Variants in IREB2 observed in about 807,000 individuals in gnomAD.
IREB2 encodes the protein iron responsive element binding protein 2, also known as iron-responsive element-binding protein 2.
IREB2 carries 39 observed loss-of-function variants against 118.8 expected under a neutral mutation model. The ratio of observed to expected loss-of-function variants is 0.33; its 90% CI spans 0.25 to 0.43. The LOEUF (loss-of-function observed/expected upper bound fraction) is 0.43. IREB2 is among the 20% of genes least tolerant of loss of function. The pLI, the probability that IREB2 is intolerant of heterozygous loss-of-function variation, is 1.00. For synonymous variants in IREB2, 372 were observed against 392.2 expected, an observed-to-expected ratio of 0.95 and a Z score of 0.61; for missense variants, 900 against 1,147.3, an observed-to-expected ratio of 0.78 and a Z score of 3.11.
At chr15:78,478,467 T>G (rs1227889408) in intron 10 of IREB2, 70 bp downstream of exon 10, 18 of 916,824 alleles carry the variant, frequency 2.0e-5, no homozygotes, top group Non-Finnish European at 2.6e-5. Context: ...CTTTGAAAGG[T>G]TGGGGTGGGT....
At chr15:78,486,877 C>T (rs1462581326) in intron 13 of IREB2, among the ~76,000 whole-genome samples, 1 of 151,992 alleles carries the variant, frequency 6.6e-6, no homozygotes, top group Non-Finnish European at 1.5e-5. Flanking sequence ...ACTGTGTTGG[C>T]CAGGCTCGTC....
In IREB2 at chr15:78,498,169, A is replaced by G. The variant is rs2141535920; in HGVS notation, c.*26A>G. ...TATCTACTTACCATAGATACCTTTC[A>G]TAACTGGTAACTGCAAAGCCTTTTG... On this transcript the variant is annotated 3_prime_UTR_variant, in exon 22 of 22. Coordinates refer to ENST00000258886, the MANE Select transcript of IREB2 (RefSeq NM_004136.4). 1 of 1,305,818 alleles carries G rather than the reference A, an allele frequency of 7.7e-7. No individual in the cohort carries two copies. Among genetic ancestry groups the G allele is most frequent in the Non-Finnish European group, 1.1e-6 (1 of 899,866 alleles). The allele number at this position is 1,305,818 out of a possible 1,614,324, so 80.9% of individuals were successfully genotyped here.
At chr15:78,460,019 G>T (rs775505913) in intron 2 of IREB2, among the ~76,000 whole-genome samples, 1 of 152,142 alleles carries the variant, frequency 6.6e-6, no homozygotes, top group Admixed American at 6.5e-5. Context: ...TCTTATTTTT[G>T]CGAGAACACT....
chr15:78,469,441 C>T (rs574374696), intron 5 of IREB2, among the ~76,000 whole-genome samples: 6 of 151,900 alleles, frequency 3.9e-5, no homozygotes, highest in South Asian at 2.1e-4. Flanking sequence ...AAAAGTTGTC[C>T]GAGTGTGGTG....
chr15:78,471,674 A>T, intron 6 of IREB2, 67 bp from the exon 7 acceptor site: 1 of 932,168 alleles, frequency 1.1e-6, no homozygotes, highest in Non-Finnish European at 1.6e-6. Context: ...TGTTAATATT[A>T]CACCTTGATT....
chr15:78,455,923 A>AGGCT (rs2051097591), intron 2 of IREB2, among the ~76,000 whole-genome samples: 1 of 152,232 alleles, frequency 6.6e-6, no homozygotes, highest in South Asian at 2.1e-4. Flanking sequence ...CATGGCTGAC[A>AGGCT]GGCTGGCGCT....
intron 10 of IREB2, among the ~76,000 whole-genome samples, chr15:78,479,183 C>T (rs1244892971): frequency 1.3e-5 from 2 of 151,954 alleles, no homozygotes. Context: ...TGGTCTCATA[C>T]TTCTGGTTTC....
At position 78,453,542 on chromosome 15, in the gene IREB2, T is replaced by C. The variant is rs542327766; in HGVS notation, c.107-9380T>C. 1.4e-4 allele frequency among the ~76,000 whole-genome samples: 22 copies of C among 152,058 alleles called. No homozygotes were observed. In the South Asian group the frequency reaches 3.9e-3, roughly 27 times the overall value. ...TGCAAAAAAAGGAGAGAGGAAATGA[T>C]TGATGACTCTTGAGTCCTAAAATGG... On this transcript the variant is annotated intron_variant, in intron 2 of 21. Transcript: ENST00000258886.
chr15:78,491,652 C>T (rs1306035700), intron 18 of IREB2, among the ~76,000 whole-genome samples: 1 of 152,130 alleles, frequency 6.6e-6, no homozygotes, highest in Non-Finnish European at 1.5e-5. Context: ...CACGCGCCAC[C>T]ATGCCCAGCA....
At chr15:78,461,155 A>G (rs748640673) in intron 2 of IREB2, among the ~76,000 whole-genome samples, 3 of 152,194 alleles carry the variant, frequency 2.0e-5, no homozygotes, top group Admixed American at 2.0e-4. Flanking sequence ...CGTCTTTTCC[A>G]TCAATTATAC....
chr15:78,461,926 T>G (rs1035677632), intron 2 of IREB2, among the ~76,000 whole-genome samples: 1 of 152,204 alleles, frequency 6.6e-6, no homozygotes, highest in Admixed American at 6.5e-5. Context: ...GTACTCCCAA[T>G]AAGGAAGTAC....
At chr15:78,465,490 T>C (rs1249844435) in intron 4 of IREB2, 102 bp downstream of exon 4, 6 of 1,133,562 alleles carry the variant, frequency 5.3e-6, no homozygotes, top group Non-Finnish European at 7.4e-6. Flanking sequence ...CAGAGAAAAG[T>C]ATGCTAAATT....
chr15:78,483,255 A>C (rs1228064452), intron 10 of IREB2, 63 bp from the exon 11 acceptor site: 2 of 770,928 alleles, frequency 2.6e-6, no homozygotes, highest in Admixed American at 4.3e-5. Context: ...GTAATGCTTC[A>C]ATTGGAATCT....
chr15:78,440,028 T>A, intron 2 of IREB2, 147 bp downstream of exon 2: 1 of 562,060 alleles, frequency 1.8e-6, no homozygotes. Context: ...TAAAAACTCC[T>A]CCTGGGACAA....
At chr15:78,479,109 A>T (rs1164218066) in intron 10 of IREB2, among the ~76,000 whole-genome samples, 2 of 151,530 alleles carry the variant, frequency 1.3e-5, no homozygotes, top group East Asian at 3.9e-4. Flanking sequence ...TAATATTACT[A>T]TTTTTTTAAT....
chr15:78,444,421 C>A (rs567436649), intron 2 of IREB2, among the ~76,000 whole-genome samples: 5 of 152,062 alleles, frequency 3.3e-5, no homozygotes, highest in Non-Finnish European at 7.4e-5. Context: ...TGTTACTGGG[C>A]AACAGGGCCT....
At position 78,499,085 on chromosome 15, in the gene IREB2, C is replaced by T. The variant is rs1485797227; in HGVS notation, c.*942C>T. 2.0e-5 allele frequency: 3 copies of T among 152,192 alleles called. No individual in the cohort carries two copies. Among genetic ancestry groups the T allele is most frequent in the Admixed American group, 6.5e-5 (1 of 15,278 alleles). 9.4% of individuals were successfully genotyped at this position (152,192 alleles called of 1,614,324 possible). ...TTTAAATTATCCACCCTCAATAATACGGGTGCTCAACCCTATGCATTTTTT... is the reference window on the plus strand; with the variant it reads ...TTTAAATTATCCACCCTCAATAATATGGGTGCTCAACCCTATGCATTTTTT... On this transcript the variant is annotated 3_prime_UTR_variant, in exon 22 of 22. Coordinates refer to ENST00000258886, the MANE Select transcript of IREB2 (RefSeq NM_004136.4).
In IREB2 at chr15:78,500,579, C is replaced by A. The variant is rs2051926372; in HGVS notation, c.*2436C>A. The A allele has an allele frequency of 6.8e-6, 1 of 147,572 alleles. No individual in the cohort carries two copies. The allele number at this position is 147,572 out of a possible 1,614,324, so 9.1% of individuals were successfully genotyped here. On this transcript the variant is annotated 3_prime_UTR_variant, in exon 22 of 22. Transcript: ENST00000258886. ...AAAAGGAAGTGTAATGTCAGACACA[C>A]AAGAAAAGCAAATCAGTGTTGTAAG...
intron 18 of IREB2, 86 bp from the exon 19 acceptor site, chr15:78,493,823 A>G (rs112031077): frequency 1.5e-6 from 2 of 1,320,250 alleles, no homozygotes; most frequent in Non-Finnish European, 2.1e-6. Context: ...CTGTGATAAA[A>G]AAATTTTTCA....
Sources: gnomAD v4.1 joint callset for allele counts (sites outside exome capture counted in the v4.1 genomes callset) on GRCh38, gnomAD v4.1.1 for gene constraint, MANE v1.5 for transcripts, NCBI Gene and HGNC (gene_info 2026-07-23, HGNC 2026-07-21) for gene names.